Variants in CYYR1 observed in about 807,000 individuals in gnomAD.
The protein encoded by CYYR1 is cysteine and tyrosine-rich protein 1.
A neutral mutation model predicts 15.2 loss-of-function variants in CYYR1; 14 were observed. The ratio of observed to expected loss-of-function variants is 0.92; its 90% CI spans 0.61 to 1.44. The LOEUF (loss-of-function observed/expected upper bound fraction) is 1.44, where lower values mean the gene tolerates loss of function less well. Among genes scored for constraint, CYYR1 ranks in the 40% most tolerant of loss-of-function variants. The pLI, the probability that CYYR1 is intolerant of heterozygous loss-of-function variation, is 0.00. For synonymous variants in CYYR1, 80 were observed against 77.4 expected (o/e 1.03, Z -0.18); for missense variants, 228 against 209.5 (o/e 1.09, Z -0.54).
chr21:26,562,039 C>T lies in CYYR1; in HGVS notation c.176+4227G>A, dbSNP rs144127810. Reference sequence around the variant, plus strand: ...TCATTAGCAGCAAAAAGTTAAACATCCCTTTCCATATTCATCACAGATCTA... The same window carrying T: ...TCATTAGCAGCAAAAAGTTAAACATTCCTTTCCATATTCATCACAGATCTA... On this transcript the variant is annotated intron_variant, in intron 2 of 3. Transcript: ENST00000652641. Among the ~76,000 whole-genome samples, 65 of 152,298 alleles carry T rather than the reference C, an allele frequency of 4.3e-4. 1 individual carries two copies. The highest frequency in any genetic ancestry group is 1.3e-3 in the African/African-American group (56 of 41,564).
At chr21:26,480,000 A>T (rs530141655) in intron 3 of CYYR1, among the ~76,000 whole-genome samples, 2 of 152,290 alleles carry the variant, frequency 1.3e-5, no homozygotes, top group South Asian at 4.1e-4. Context: ...GTGGGTGTGA[A>T]TTGCTTATTT....
At chr21:26,508,019 T>C (rs899263644) in intron 2 of CYYR1, among the ~76,000 whole-genome samples, 9 of 152,298 alleles carry the variant, frequency 5.9e-5, no homozygotes, top group African/African-American at 1.7e-4. Flanking sequence ...TAAAGTTACC[T>C]ATGAGGGATC....
At chr21:26,504,490 T>C (rs1464884519) in intron 2 of CYYR1, among the ~76,000 whole-genome samples, 2 of 152,096 alleles carry the variant, frequency 1.3e-5, no homozygotes, top group African/African-American at 2.4e-5. Flanking sequence ...TAGGCTGTAA[T>C]TTTTATTATT....
intron 2 of CYYR1, among the ~76,000 whole-genome samples, chr21:26,539,814 A>T (rs1416331123): frequency 1.3e-5 from 2 of 152,120 alleles, no homozygotes; most frequent in Non-Finnish European, 2.9e-5. Flanking sequence ...CTTTGTGAAC[A>T]CTCAGGAGGA....
chr21:26,533,460 C>A (rs1454907611), intron 2 of CYYR1, among the ~76,000 whole-genome samples: 1 of 151,976 alleles, frequency 6.6e-6, no homozygotes, highest in African/African-American at 2.4e-5. Flanking sequence ...ACACTGAAGT[C>A]CAAGGGCAGA....
intron 2 of CYYR1, among the ~76,000 whole-genome samples, chr21:26,549,194 T>G (rs1437529098): frequency 6.6e-6 from 1 of 152,170 alleles, no homozygotes; most frequent in African/African-American, 2.4e-5. Flanking sequence ...CAGGATAAGC[T>G]CTTTTCTCTC....
chr21:26,488,578 A>G (rs1256503731), intron 2 of CYYR1, among the ~76,000 whole-genome samples: 2 of 152,100 alleles, frequency 1.3e-5, no homozygotes, highest in East Asian at 1.9e-4. Flanking sequence ...AGGTAGCCTT[A>G]AAGCTAGTGT....
chr21:26,513,921 G>C, intron 2 of CYYR1, among the ~76,000 whole-genome samples: 1 of 132,086 alleles, frequency 7.6e-6, no homozygotes, highest in African/African-American at 2.8e-5. Context: ...TTGTGGGGTG[G>C]GGGGAGGGGG....
chr21:26,506,883 A>G (rs1476345788), intron 2 of CYYR1, among the ~76,000 whole-genome samples: 1 of 152,176 alleles, frequency 6.6e-6, no homozygotes, highest in Non-Finnish European at 1.5e-5. Context: ...GAAACACAGG[A>G]TCCTGGGTTT....
chr21:26,540,450 G>C (rs548605766), intron 2 of CYYR1, among the ~76,000 whole-genome samples: 11 of 152,238 alleles, frequency 7.2e-5, no homozygotes, highest in South Asian at 2.1e-4. Flanking sequence ...TACGAAAACA[G>C]ACGAAAAGTG....
chr21:26,508,758 C>A (rs2065604140), intron 2 of CYYR1, among the ~76,000 whole-genome samples: 1 of 152,054 alleles, frequency 6.6e-6, no homozygotes, highest in Non-Finnish European at 1.5e-5. Flanking sequence ...TATGGAGATT[C>A]TGGAGAATAA....
intron 1 of CYYR1, chr21:26,568,591 CA>C (rs1980804627): frequency 6.6e-6 from 1 of 152,090 alleles, no homozygotes; most frequent in African/African-American, 2.4e-5. Context: ...GCAATTGCAA[CA>C]AAAGCAATTG....
chr21:26,511,987 T>TACACACACACAC lies in CYYR1; in HGVS notation c.177-31570_177-31559dup, dbSNP rs61382991. Among the ~76,000 whole-genome samples, 1,305 of 148,210 alleles carry TACACACACACAC rather than the reference T, an allele frequency of 8.8e-3. 15 individuals are homozygous for TACACACACACAC. The highest frequency in any genetic ancestry group is 0.027 in the African/African-American group (1,100 of 40,582). ...AGAAATATGTCAACAATATCACACATACACACACACACACACACACACACA... is the reference window on the plus strand; with the variant it reads ...AGAAATATGTCAACAATATCACACATACACACACACACACACACACACACACACACACACACA... On this transcript the variant is annotated intron_variant, in intron 2 of 3. Coordinates refer to ENST00000652641, the MANE Select transcript of CYYR1 (RefSeq NM_001320768.2).
At chr21:26,544,813 A>G (rs1244535815) in intron 2 of CYYR1, among the ~76,000 whole-genome samples, 1 of 152,100 alleles carries the variant, frequency 6.6e-6, no homozygotes, top group Non-Finnish European at 1.5e-5. Flanking sequence ...AGGCCGAGAA[A>G]GGTGGCTCAT....
intron 2 of CYYR1, chr21:26,506,879 C>T (rs1165906311): frequency 6.6e-6 from 1 of 152,232 alleles, no homozygotes; most frequent in South Asian, 2.1e-4. Flanking sequence ...ACCAGAAACA[C>T]AGGATCCTGG....
At chr21:26,548,915 A>G (rs1207514316) in intron 2 of CYYR1, among the ~76,000 whole-genome samples, 3 of 152,240 alleles carry the variant, frequency 2.0e-5, no homozygotes, top group Non-Finnish European at 2.9e-5. Context: ...ATTAAGGTCT[A>G]GTGTTTACAA....
chr21:26,500,210 T>C (rs1440155337), intron 2 of CYYR1, among the ~76,000 whole-genome samples: 1 of 152,148 alleles, frequency 6.6e-6, no homozygotes, highest in Non-Finnish European at 1.5e-5. Flanking sequence ...AACCTAATTC[T>C]CTGTTAAAGG....
At chr21:26,485,775 A>G (rs1160124844) in intron 2 of CYYR1, among the ~76,000 whole-genome samples, 1 of 152,132 alleles carries the variant, frequency 6.6e-6, no homozygotes, top group Non-Finnish European at 1.5e-5. Flanking sequence ...AATCATGTAC[A>G]GATTTTTGTG....
chr21:26,481,880 ATAATTGCCATGAGG>A (rs2065186190), intron 2 of CYYR1, among the ~76,000 whole-genome samples: 1 of 152,058 alleles, frequency 6.6e-6, no homozygotes, highest in African/African-American at 2.4e-5. Context: ...TAATAACAGA[ATAATTGCCATGAGG>A]TAAAACTGCA....
Sources: gnomAD v4.1 joint callset for allele counts (sites outside exome capture counted in the v4.1 genomes callset) on GRCh38, gnomAD v4.1.1 for gene constraint, MANE v1.5 for transcripts, NCBI Gene and HGNC (gene_info 2026-07-23, HGNC 2026-07-21) for gene names.